Variants in SCFD2 observed in about 807,000 individuals in gnomAD.
SCFD2 encodes sec1 family domain-containing protein 2.
In SCFD2, 54 loss-of-function variants were observed where a neutral mutation model predicts 58.9. The observed-to-expected ratio is 0.92, with a 90% CI of 0.74 to 1.15. SCFD2 has a LOEUF of 1.15. SCFD2 is among the 50% of genes most tolerant of loss of function. The pLI is 0.00. For synonymous variants in SCFD2, 321 were observed against 335.9 expected (o/e 0.96, Z 0.49); for missense variants, 805 against 836.6 (o/e 0.96, Z 0.47).
At chr4:53,321,232 C>T (rs1048734169) in intron 2 of SCFD2, among the ~76,000 whole-genome samples, 1 of 152,010 alleles carries the variant, frequency 6.6e-6, no homozygotes, top group African/African-American at 2.4e-5. Flanking sequence ...TCTTTATTCA[C>T]CAGAATTACT....
intron 5 of SCFD2, among the ~76,000 whole-genome samples, chr4:53,135,982 T>C (rs1470107019): frequency 6.6e-6 from 1 of 152,240 alleles, no homozygotes; most frequent in Non-Finnish European, 1.5e-5. Flanking sequence ...AATTATGCTT[T>C]TGATACCTGT....
At chr4:53,247,508 G>T (rs1425178141) in intron 4 of SCFD2, among the ~76,000 whole-genome samples, 2 of 152,138 alleles carry the variant, frequency 1.3e-5, no homozygotes, top group East Asian at 3.8e-4. Flanking sequence ...ATCAATGAAA[G>T]ACTGGATAAA....
rs542341234 is a variant in SCFD2 at position 53,168,748 on chromosome 4, G to T, written c.1312-23166C>A. On this transcript the variant is annotated intron_variant, in intron 4 of 8. Coordinates refer to ENST00000401642, the MANE Select transcript of SCFD2 (RefSeq NM_152540.4). Reference sequence around the variant, plus strand: ...TCTCAAATACTAATAATTTTTTTGTGGTGAGAACATTTGAAATTTACTCTC... The same window carrying T: ...TCTCAAATACTAATAATTTTTTTGTTGTGAGAACATTTGAAATTTACTCTC... Among the ~76,000 whole-genome samples the T allele has an allele frequency of 2.6e-5, 4 of 152,048 alleles. No individual in the cohort carries two copies. The East Asian group carries it at 7.7e-4, about 29-fold the overall frequency.
At chr4:53,059,335 T>C (rs530345896) in intron 5 of SCFD2, among the ~76,000 whole-genome samples, 2 of 152,240 alleles carry the variant, frequency 1.3e-5, no homozygotes, top group African/African-American at 4.8e-5. Context: ...ACAACTACCA[T>C]GGGCCTGGCA....
At chr4:53,192,915 A>G (rs1194178937) in intron 4 of SCFD2, among the ~76,000 whole-genome samples, 1 of 152,194 alleles carries the variant, frequency 6.6e-6, no homozygotes, top group Non-Finnish European at 1.5e-5. Context: ...TTACACCAAG[A>G]AGGTTTGATT....
At chr4:53,009,199 TCA>T (rs1464016352) in intron 5 of SCFD2, among the ~76,000 whole-genome samples, 4 of 152,202 alleles carry the variant, frequency 2.6e-5, no homozygotes, top group Admixed American at 6.5e-5. Context: ...GTAATAAATT[TCA>T]CAGTGTTGGT....
At chr4:53,240,186 GC>G (rs1328410072) in intron 4 of SCFD2, among the ~76,000 whole-genome samples, 3 of 152,170 alleles carry the variant, frequency 2.0e-5, no homozygotes, top group Admixed American at 2.0e-4. Flanking sequence ...ATGAAGTCGG[GC>G]CCAGGTCTGA....
chr4:53,121,537 C>T (rs539024170), intron 5 of SCFD2, among the ~76,000 whole-genome samples: 1 of 152,256 alleles, frequency 6.6e-6, no homozygotes, highest in African/African-American at 2.4e-5. Flanking sequence ...TTTTCTGAGG[C>T]GTAGAAGGAT....
At position 53,295,712 on chromosome 4, in the gene SCFD2, G is replaced by C. The variant is rs190931925; in HGVS notation, c.1135+17924C>G. Among the ~76,000 whole-genome samples, 581 of 152,268 alleles carry C rather than the reference G, an allele frequency of 3.8e-3. 4 individuals carry two copies. The highest frequency in any genetic ancestry group is 4.6e-3 in the Non-Finnish European group (314 of 68,018). On this transcript the variant is annotated intron_variant, in intron 3 of 8. Transcript: ENST00000401642. ...GTGAGAGAGGGCATACTTGTCTTGT[G>C]TTGGCTTTCAAAGGAAATGCTTCCA...
intron 4 of SCFD2, among the ~76,000 whole-genome samples, chr4:53,243,014 GT>G (rs1243715466): frequency 5.3e-5 from 8 of 152,164 alleles, no homozygotes; most frequent in South Asian, 2.1e-4. Context: ...ACTCATTAGT[GT>G]TATAGAGATG....
chr4:53,306,784 C>T (rs1162080530), intron 3 of SCFD2, among the ~76,000 whole-genome samples: 1 of 152,142 alleles, frequency 6.6e-6, no homozygotes, highest in Non-Finnish European at 1.5e-5. Context: ...ATTTATTCAG[C>T]CTGTTGAGGG....
intron 5 of SCFD2, among the ~76,000 whole-genome samples, chr4:53,017,106 TCA>T (rs34552048): frequency 0.22 from 33,572 of 151,044 alleles, 6,381 homozygotes; most frequent in African/African-American, 0.52. Flanking sequence ...AGACTCCGTC[TCA>T]CACACACACA....
At chr4:53,274,048 C>T (rs200067878) in intron 3 of SCFD2, 47 bp from the exon 4 acceptor site, 5 of 1,483,012 alleles carry the variant, frequency 3.4e-6, no homozygotes, top group African/African-American at 1.4e-5. Flanking sequence ...GGGAATAGTA[C>T]AAATAATGAG....
chr4:52,876,934 C>T (rs992818700), intron 8 of SCFD2, among the ~76,000 whole-genome samples: 9 of 152,118 alleles, frequency 5.9e-5, no homozygotes, highest in African/African-American at 1.9e-4. Flanking sequence ...CAGCACACTG[C>T]TAGCCCTTGG....
At chr4:52,953,931 C>T (rs1720655408) in intron 5 of SCFD2, among the ~76,000 whole-genome samples, 1 of 152,224 alleles carries the variant, frequency 6.6e-6, no homozygotes, top group Non-Finnish European at 1.5e-5. Flanking sequence ...AGACCATGGA[C>T]TCCTGGGCCA....
At chr4:53,213,809 C>A (rs544166985) in intron 4 of SCFD2, among the ~76,000 whole-genome samples, 1 of 152,168 alleles carries the variant, frequency 6.6e-6, no homozygotes, top group Non-Finnish European at 1.5e-5. Context: ...TCCCTCCTCC[C>A]ACCACCCCAC....
At position 52,935,457 on chromosome 4, in the gene SCFD2, C is replaced by T. The variant is rs1026986747; in HGVS notation, c.1562-14587G>A. On this transcript the variant is annotated intron_variant, in intron 5 of 8. Transcript: ENST00000401642. The stretch of plus-strand genomic sequence containing the variant: ...AAGACCTCTAAGATTTCCAGTTTAT[C>T]GATTGTTGCTTGTGTAAGAGCACAT... Among the ~76,000 whole-genome samples, 14 of 152,286 alleles carry T rather than the reference C, an allele frequency of 9.2e-5. No individual in the cohort carries two copies. The South Asian group carries it at 2.1e-3, about 23-fold the overall frequency.
intron 6 of SCFD2, among the ~76,000 whole-genome samples, chr4:52,912,986 T>C (rs541179812): frequency 2.0e-5 from 3 of 152,302 alleles, no homozygotes; most frequent in Admixed American, 1.3e-4. Context: ...GGGTAAACCA[T>C]AGTAATTTAG....
chr4:53,296,552 C>G (rs1315332088), intron 3 of SCFD2, among the ~76,000 whole-genome samples: 1 of 151,996 alleles, frequency 6.6e-6, no homozygotes, highest in Non-Finnish European at 1.5e-5. Flanking sequence ...GTCTGCCTAG[C>G]GGTCTATCTA....
Sources: gnomAD v4.1 joint callset for allele counts (sites outside exome capture counted in the v4.1 genomes callset) on GRCh38, gnomAD v4.1.1 for gene constraint, MANE v1.5 for transcripts, NCBI Gene and HGNC (gene_info 2026-07-23, HGNC 2026-07-21) for gene names.